Variants in PALMD observed in about 807,000 individuals in gnomAD.
PALMD encodes palmdelphin.
PALMD carries 42 observed loss-of-function variants against 56.2 expected under a neutral mutation model. That is an observed-to-expected ratio of 0.75 (90% CI 0.58 to 0.97). The LOEUF is 0.97. PALMD is among the 50% of genes least tolerant of loss of function. The probability of loss-of-function intolerance (pLI) is 0.00; values close to 1 mark genes in which losing one functional copy is unlikely to be tolerated. For synonymous variants in PALMD, 242 were observed against 222.9 expected, an observed-to-expected ratio of 1.09 and a Z score of -0.76; for missense variants, 660 against 643.8, an observed-to-expected ratio of 1.03 and a Z score of -0.27.
Position 99,687,167 on chromosome 1 carries a change from AGAT to A in PALMD, c.498_500del (p.Asp166del), listed in dbSNP as rs755901744. The A allele has an allele frequency of 2.5e-6, 4 of 1,604,222 alleles. No individual in the cohort carries two copies. The African/African-American group carries it at 5.4e-5, about 21-fold the overall frequency. On this transcript the variant is annotated inframe_deletion, in exon 6 of 8. Transcript: ENST00000263174. ...GGAAGGAGATAAATGAAGAAAAAGA[AGAT>A]GATGAACAAAATAGGAAAGGTATAT...
In PALMD at chr1:99,691,160, A is replaced by G. The variant is rs566093022; in HGVS notation, c.1612+1288A>G. On this transcript the variant is annotated intron_variant, in intron 7 of 7. Transcript: ENST00000263174. ...TCCATCTTAAGAGAGAGCTTTGGTC[A>G]CTGATCAAACTTTGCCATCTTAAAC... Among the ~76,000 whole-genome samples, 221 of 152,318 alleles carry G rather than the reference A, an allele frequency of 1.5e-3. 3 individuals are homozygous for G. Among genetic ancestry groups the G allele is most frequent in the South Asian group, 0.014 (66 of 4,824 alleles).
intron 2 of PALMD, among the ~76,000 whole-genome samples, chr1:99,662,751 A>AGTC (rs1652873978): frequency 6.6e-6 from 1 of 152,156 alleles, no homozygotes; most frequent in Non-Finnish European, 1.5e-5. Flanking sequence ...GTGCCTTTTG[A>AGTC]AATCAATGAA....
At chr1:99,667,940 A>T (rs1653004375) in intron 3 of PALMD, 174 bp downstream of exon 3, 4 of 570,118 alleles carry the variant, frequency 7.0e-6, no homozygotes, top group Non-Finnish European at 1.2e-5. Context: ...GTGCAGTGAC[A>T]TGATCTCGGC....
At chr1:99,668,013 G>A (rs1653005442) in intron 3 of PALMD, 2 of 392,604 alleles carry the variant, frequency 5.1e-6, no homozygotes, top group Admixed American at 7.4e-5. Flanking sequence ...TGAGTAGCTA[G>A]GATGATGGGC....
rs546741253 is a variant in PALMD, at chr1:99,693,750, C to T, written c.1613-269C>T. ...CTAATAGGGAAACTGTGCATTAATC[C>T]TGTATTTGTTCCACTTGTACTGTTT... On this transcript the variant is annotated intron_variant, in intron 7 of 7. Coordinates refer to ENST00000263174, the MANE Select transcript of PALMD (RefSeq NM_017734.5). Among the ~76,000 whole-genome samples, 66 of 152,274 alleles carry T rather than the reference C, an allele frequency of 4.3e-4. 2 individuals carry two copies. The highest frequency in any genetic ancestry group is 3.7e-3 in the Admixed American group (57 of 15,280).
At chr1:99,648,186 G>C (rs1652486000) in intron 1 of PALMD, among the ~76,000 whole-genome samples, 1 of 152,242 alleles carries the variant, frequency 6.6e-6, no homozygotes, top group South Asian at 2.1e-4. Flanking sequence ...TTGTATAAAG[G>C]TTGTAGGGAA....
At chr1:99,689,962 AC>A in intron 7 of PALMD, 90 bp downstream of exon 7, 2 of 1,237,014 alleles carry the variant, frequency 1.6e-6, no homozygotes, top group Non-Finnish European at 2.2e-6. Flanking sequence ...GGCTTCTCTG[AC>A]CACCTCATAA....
At chr1:99,693,942 G>T in intron 7 of PALMD, 77 bp from the exon 8 acceptor site, 1 of 950,056 alleles carries the variant, frequency 1.1e-6, no homozygotes, top group Non-Finnish European at 1.7e-6. Context: ...AAACTTTCCT[G>T]CATTCTATGA....
chr1:99,656,883 C>T (rs558005324), intron 1 of PALMD, among the ~76,000 whole-genome samples: 1 of 152,326 alleles, frequency 6.6e-6, no homozygotes, highest in Admixed American at 6.5e-5. Flanking sequence ...AGATCTCTCA[C>T]AACTTGCAAT....
At chr1:99,662,633 T>A (rs763698452) in intron 2 of PALMD, among the ~76,000 whole-genome samples, 3 of 152,202 alleles carry the variant, frequency 2.0e-5, no homozygotes, top group Non-Finnish European at 2.9e-5. Context: ...TTATCCTTTA[T>A]AACTGAGTTT....
intron 1 of PALMD, among the ~76,000 whole-genome samples, chr1:99,648,857 A>C (rs1219833320): frequency 6.6e-6 from 1 of 151,116 alleles, no homozygotes; most frequent in Non-Finnish European, 1.5e-5. Flanking sequence ...TGACAGAACA[A>C]AGATCCAAGT....
chr1:99,673,979 G>T (rs1240895319), intron 3 of PALMD, among the ~76,000 whole-genome samples: 1 of 152,104 alleles, frequency 6.6e-6, no homozygotes, highest in Non-Finnish European at 1.5e-5. Context: ...GAACTGAAAA[G>T]GAAAGCCTTG....
chr1:99,687,816 G>C (rs1253469422), intron 6 of PALMD, among the ~76,000 whole-genome samples: 1 of 152,174 alleles, frequency 6.6e-6, no homozygotes, highest in East Asian at 1.9e-4. Flanking sequence ...GTGCAATACA[G>C]AGAATAAAGC....
At chr1:99,655,624 T>C (rs1652706122) in intron 1 of PALMD, among the ~76,000 whole-genome samples, 1 of 152,198 alleles carries the variant, frequency 6.6e-6, no homozygotes, top group Non-Finnish European at 1.5e-5. Context: ...TCATCCAAGA[T>C]TCCAAAGAGG....
chr1:99,683,649 T>C (rs6698347), intron 3 of PALMD: 12,339 of 152,272 alleles, frequency 0.081, 1,083 homozygotes, highest in African/African-American at 0.22. Context: ...TTTAGCACAA[T>C]TGACCTCCAT....
Position 99,682,111 on chromosome 1 carries a change from C to A in PALMD, c.252-4565C>A, listed in dbSNP as rs1299368746. Among the ~76,000 whole-genome samples, 9 of 152,236 alleles carry A rather than the reference C, an allele frequency of 5.9e-5. No homozygotes were observed. The East Asian group carries it at 1.4e-3, about 23-fold the overall frequency. ...TCATCATTTCCATTAGCATTCTGAT[C>A]TTTTAGAAAGCTTTTCTAGAGCAGC... On this transcript the variant is annotated intron_variant, in intron 3 of 7. Coordinates refer to ENST00000263174, the MANE Select transcript of PALMD (RefSeq NM_017734.5).
intron 2 of PALMD, among the ~76,000 whole-genome samples, chr1:99,665,476 T>C (rs1052470420): frequency 1.3e-5 from 2 of 152,102 alleles, no homozygotes; most frequent in Admixed American, 6.6e-5. Flanking sequence ...GTTCAAAGAG[T>C]TCTCCACGAG....
chr1:99,653,723 C>T (rs1323364027), intron 1 of PALMD, among the ~76,000 whole-genome samples: 1 of 152,136 alleles, frequency 6.6e-6, no homozygotes. Context: ...TTCAATATCA[C>T]ATGGATCGAC....
chr1:99,689,148 T>A lies in PALMD; in HGVS notation c.888T>A (p.Ile296=). 6.2e-7 allele frequency: 1 copy of A among 1,613,592 alleles called. No individual in the cohort carries two copies. The highest frequency in any genetic ancestry group is 8.5e-7 in the Non-Finnish European group (1 of 1,179,790). ...RIKIKTNGLG[I]GVNESIHNMG... ...AGATTAAAACTAATGGACTGGGTAT[T>A]GGTGTAAATGAATCCATACACAATA... Residue 296 remains isoleucine, a synonymous_variant, in exon 7 of 8, where the codon ATT becomes ATA. Transcript: ENST00000263174.
Sources: allele counts gnomAD v4.1 joint callset (sites outside exome capture counted in the v4.1 genomes callset), GRCh38; gene constraint gnomAD v4.1.1; transcripts MANE v1.5; gene names NCBI Gene and HGNC (gene_info 2026-07-23, HGNC 2026-07-21).